Variants in SMS observed in about 807,000 individuals in gnomAD.
SMS encodes the protein spermine synthase, also known as spermidine aminopropyltransferase.
Under a neutral mutation model 33.0 loss-of-function variants are expected in SMS, and 3 were observed. That is an observed-to-expected ratio of 0.09 (90% confidence interval 0.04 to 0.23). The LOEUF (loss-of-function observed/expected upper bound fraction) is 0.23, where lower values mean the gene tolerates loss of function less well. Ranked by LOEUF, SMS falls within the 10% of genes least tolerant of loss-of-function variation. SMS has a pLI of 1.00. For synonymous variants in SMS, 103 were observed against 112.2 expected, an observed-to-expected ratio of 0.92 and a Z score of 0.52; for missense variants, 117 against 288.6, an observed-to-expected ratio of 0.41 and a Z score of 4.31.
At chrX:21,980,134 T>G (rs191271520) in intron 7 of SMS, among the ~76,000 whole-genome samples, 1 of 110,545 alleles carries the variant, frequency 9.0e-6, no homozygotes, top group East Asian at 2.8e-4. Context: ...GTGTAAAGAT[T>G]TCAATTTTAA....
chrX:21,964,656 G>A (rs1923576587), intron 1 of SMS, among the ~76,000 whole-genome samples: 1 of 111,517 alleles, frequency 9.0e-6, no homozygotes, highest in Admixed American at 9.6e-5. Context: ...TGGGGATTTA[G>A]GGTTACACTC....
At chrX:21,986,018 C>T (rs903340728) in intron 9 of SMS, among the ~76,000 whole-genome samples, 25 of 110,400 alleles carry the variant, frequency 2.3e-4, no homozygotes, top group African/African-American at 6.9e-4. Flanking sequence ...GAGACCTTGA[C>T]TCAAAAATAA....
At chrX:21,941,572 C>T (rs977491813) in intron 1 of SMS, among the ~76,000 whole-genome samples, 2 of 110,534 alleles carry the variant, frequency 1.8e-5, no homozygotes, top group African/African-American at 6.6e-5. Context: ...GAATCGTTTA[C>T]ACCCCGAATC....
Position 21,988,388 on chromosome X carries a change from G to A in SMS, c.945+3165G>A, listed in dbSNP as rs145025856. Among the ~76,000 whole-genome samples the A allele has an allele frequency of 3.4e-3, 374 of 111,181 alleles. 2 individuals carry two copies. In the East Asian group the frequency reaches 0.038, roughly 11 times the overall value. ...GCTTAGAACTGGAGTCAGGTTGGCC[G>A]GGTGCGGTGGCTCACGCCTGTAATC... On this transcript the variant is annotated intron_variant, in intron 9 of 10. Transcript: ENST00000404933.
At position 21,967,213 on chromosome X, in the gene SMS, C is replaced by A. The variant is rs775900143; in HGVS notation, c.67C>A (p.Leu23Ile). Reference protein sequence around the residue: ...LGAKADGETILKGLQSIFQEQ... With the variant: ...LGAKADGETIIKGLQSIFQEQ... ...TTCTCCAGCTGATGGTGAGACCATT[C>A]TAAAAGGCCTCCAGTCCATTTTCCA... Residue 23 changes from leucine (L) to isoleucine (I), a missense_variant, in exon 2 of 11, where the codon CTA (leucine) becomes ATA (isoleucine). Transcript: ENST00000404933. 1 of 1,209,168 alleles carries A rather than the reference C, an allele frequency of 8.3e-7. No individual in the cohort carries two copies. Among genetic ancestry groups the A allele is most frequent in the East Asian group, 3.0e-5 (1 of 33,809 alleles).
At chrX:21,991,121 A>C (rs886977010) in intron 9 of SMS, among the ~76,000 whole-genome samples, 1 of 112,243 alleles carries the variant, frequency 8.9e-6, no homozygotes, top group Non-Finnish European at 1.9e-5. Flanking sequence ...GGCTGCCTTT[A>C]TTTGTAAATA....
At chrX:21,951,214 C>T (rs1299708992) in intron 1 of SMS, among the ~76,000 whole-genome samples, 1 of 112,135 alleles carries the variant, frequency 8.9e-6, no homozygotes, top group African/African-American at 3.2e-5. Flanking sequence ...AGCTTTTTTC[C>T]CATATGTTTG....
At chrX:21,945,634 T>TCCCCCCCCCCCCCCCCCCC (rs376720187) in intron 1 of SMS, among the ~76,000 whole-genome samples, 4 of 34,137 alleles carry the variant, frequency 1.2e-4, no homozygotes, top group African/African-American at 1.8e-4. Context: ...TTGCTTCCCG[T>TCCCCCCCCCCCCCCCCCCC]CCCCCCCCCC....
intron 1 of SMS, among the ~76,000 whole-genome samples, chrX:21,945,882 C>CA (rs1164654630): frequency 9.0e-6 from 1 of 111,176 alleles, no homozygotes; most frequent in Admixed American, 9.6e-5. Context: ...ATTGGCCTCT[C>CA]AAAGTGCTGG....
intron 1 of SMS, among the ~76,000 whole-genome samples, chrX:21,942,572 T>C (rs1921892020): frequency 9.0e-6 from 1 of 111,460 alleles, no homozygotes; most frequent in Non-Finnish European, 1.9e-5. Flanking sequence ...ATTTCTTAGG[T>C]GAGGATGGTA....
rs1175622138 is a variant in SMS at position 21,993,423 on chromosome X, C to T, written c.1061+711C>T. 7.1e-5 allele frequency among the ~76,000 whole-genome samples: 8 copies of T among 112,534 alleles called. No homozygotes were observed. The South Asian group carries it at 1.4e-3, about 20-fold the overall frequency. ...GAGCATTATCATTGGAAATTTGTGC[C>T]GCAACACAGCTGTGGGCTGTAGTCT... is the stretch of plus-strand genomic sequence containing the variant. On this transcript the variant is annotated intron_variant, in intron 10 of 10. Coordinates refer to ENST00000404933, the MANE Select transcript of SMS (RefSeq NM_004595.5).
intron 1 of SMS, among the ~76,000 whole-genome samples, chrX:21,965,871 A>G (rs1923684156): frequency 8.9e-6 from 1 of 112,056 alleles, no homozygotes; most frequent in South Asian, 3.7e-4. Context: ...CAAGAGGATC[A>G]CTTAAGCCCA....
intron 9 of SMS, among the ~76,000 whole-genome samples, chrX:21,991,393 G>C (rs749368121): frequency 9.0e-6 from 1 of 110,852 alleles, no homozygotes; most frequent in East Asian, 2.8e-4. Context: ...TGGCCAGGCC[G>C]GTCTCAAACT....
intron 7 of SMS, among the ~76,000 whole-genome samples, chrX:21,980,363 G>C (rs1250598477): frequency 1.0e-5 from 1 of 95,907 alleles, no homozygotes; most frequent in African/African-American, 3.8e-5. Context: ...GTTGCAGTGA[G>C]CTGAGATTGC....
chrX:21,958,800 C>T (rs1923146929), intron 1 of SMS, among the ~76,000 whole-genome samples: 1 of 112,954 alleles, frequency 8.9e-6, no homozygotes, highest in African/African-American at 3.2e-5. Context: ...CCTCAGCCTC[C>T]CAAGTAGCTG....
rs1261295447 is a variant in SMS, at chrX:21,940,726, G to C, written c.-99G>C. The C allele has an allele frequency of 2.9e-6, 2 of 690,820 alleles. No individual in the cohort carries two copies. Among genetic ancestry groups the C allele is most frequent in the African/African-American group, 2.3e-5 (1 of 42,582 alleles). The allele number at this position is 690,820 out of a possible 1,213,427, so 56.9% of individuals were successfully genotyped here. A position where few individuals can be genotyped will look rare whatever the true frequency, so the allele number is the denominator to read the frequency against. On this transcript the variant is annotated 5_prime_UTR_variant, in exon 1 of 11. Coordinates refer to ENST00000404933, the MANE Select transcript of SMS (RefSeq NM_004595.5). ...CACCTCCTAGTCCTGGCCTCCCCGG[G>C]CGCAGCACACTCCCAGCCGGCCGCA...
intron 1 of SMS, among the ~76,000 whole-genome samples, chrX:21,966,431 T>G (rs1007553549): frequency 8.9e-6 from 1 of 112,020 alleles, no homozygotes; most frequent in Non-Finnish European, 1.9e-5. Context: ...TGTTGGATGT[T>G]CTTGAAGATC....
At chrX:21,947,394 T>A (rs1922314465) in intron 1 of SMS, among the ~76,000 whole-genome samples, 1 of 111,562 alleles carries the variant, frequency 9.0e-6, no homozygotes, top group Admixed American at 9.5e-5. Context: ...ATTTTGCATT[T>A]TTAATCATCT....
chrX:21,943,434 T>C (rs931253128), intron 1 of SMS, among the ~76,000 whole-genome samples: 5 of 111,630 alleles, frequency 4.5e-5, no homozygotes, highest in African/African-American at 1.6e-4. Flanking sequence ...TGGAAAGGTG[T>C]GGAAGTGGCA....
Sources: gnomAD v4.1 joint callset for allele counts (sites outside exome capture counted in the v4.1 genomes callset) on GRCh38, gnomAD v4.1.1 for gene constraint, MANE v1.5 for transcripts, NCBI Gene and HGNC (gene_info 2026-07-23, HGNC 2026-07-21) for gene names.